The following CD6 variants were observed in gnomAD, a reference collection of about 807,000 sequenced individuals.
CD6 encodes CD6 molecule.
Under a neutral mutation model 75.3 loss-of-function variants are expected in CD6, and 53 were observed. That is an observed-to-expected ratio of 0.70 (90% CI 0.56 to 0.88). CD6 has a LOEUF of 0.88. Among genes scored for constraint, CD6 ranks in the 40% least tolerant of loss-of-function variants. The pLI is 0.00. For synonymous variants in CD6, 359 were observed against 381.5 expected (o/e 0.94, Z 0.69); for missense variants, 770 against 897.1 (o/e 0.86, Z 1.81).
At position 61,020,205 on chromosome 11, in the gene CD6, G is replaced by A. The variant is rs1859607022; in HGVS notation, c.*887G>A. 5.0e-6 allele frequency: 2 copies of A among 398,820 alleles called. No homozygotes were observed. The highest frequency in any genetic ancestry group is 7.1e-5 in the East Asian group (2 of 28,076). 24.7% of individuals were successfully genotyped at this position (398,820 alleles called of 1,614,324 possible). A position where few individuals can be genotyped will look rare whatever the true frequency, so the allele number is the denominator to read the frequency against. On this transcript the variant is annotated 3_prime_UTR_variant, in exon 13 of 13. Transcript: ENST00000313421. Reference sequence around the variant, plus strand: ...GCTGCACTAGGCCCCGAGTCCCCATGTGTCTCCTTGAATTGATGAGGATGC... The same window carrying A: ...GCTGCACTAGGCCCCGAGTCCCCATATGTCTCCTTGAATTGATGAGGATGC...
chr11:61,005,964 A>G, intron 1 of CD6, among the ~76,000 whole-genome samples: 1 of 152,114 alleles, frequency 6.6e-6, no homozygotes, highest in East Asian at 1.9e-4. Flanking sequence ...AAAGAAAGTA[A>G]ATGGAACAAT....
intron 10 of CD6, 50 bp from the exon 11 acceptor site, chr11:61,017,709 C>T: frequency 1.2e-6 from 2 of 1,611,110 alleles, no homozygotes; most frequent in South Asian, 2.2e-5. Flanking sequence ...GACTTAAAGC[C>T]CTCTTGCTGC....
At chr11:60,974,383 A>G (rs115648843) in intron 1 of CD6, among the ~76,000 whole-genome samples, 1,736 of 152,204 alleles carry the variant, frequency 0.011, 33 homozygotes, top group African/African-American at 0.04. Context: ...AGTAGCTGGG[A>G]TGACAGGCAT....
chr11:61,013,303 G>T, intron 6 of CD6, 120 bp from the exon 7 acceptor site: 1 of 1,183,242 alleles, frequency 8.5e-7, no homozygotes, highest in African/African-American at 1.5e-5. Flanking sequence ...TTGGAAAAAG[G>T]AAGCAAGGAG....
At position 61,007,516 on chromosome 11, in the gene CD6, G is replaced by T. The variant is rs1197330415; in HGVS notation, c.119-44G>T. The T allele has an allele frequency of 1.4e-6, 2 of 1,383,758 alleles. No individual in the cohort carries two copies. The highest frequency in any genetic ancestry group is 1.9e-6 in the Non-Finnish European group (2 of 1,058,340). The allele number at this position is 1,383,758 out of a possible 1,614,324, so 85.7% of individuals were successfully genotyped here. ...AGTGGCAGAGCCTGGGCAACCCTCT[G>T]CCCAGGCCCCACCGGTCTCAGCTCT... On this transcript the variant is annotated intron_variant, in intron 2 of 12. Transcript: ENST00000313421. This position sits in a 1 kb window ranked among gnomAD's most constrained non-coding sequence, Gnocchi z 4.2.
intron 8 of CD6, 67 bp downstream of exon 8, chr11:61,014,081 G>T: frequency 8.4e-7 from 1 of 1,197,172 alleles, no homozygotes; most frequent in South Asian, 1.4e-5. Flanking sequence ...TTTCTGGAAG[G>T]TCAGCACCAC....
Position 60,973,314 on chromosome 11 carries a change from G to C in CD6, c.49+1400G>C, listed in dbSNP as rs188378165. ...GGAGAGGTGGGAACCCAGAGACCTG[G>C]GCAGAGCTCAGGGAGGTCAAACAAA... is the stretch of plus-strand genomic sequence containing the variant. On this transcript the variant is annotated intron_variant, in intron 1 of 12. Transcript: ENST00000313421. Among the ~76,000 whole-genome samples, 145 of 152,306 alleles carry C rather than the reference G, an allele frequency of 9.5e-4. 4 individuals carry two copies. In the Middle Eastern group the frequency reaches 0.014, roughly 14 times the overall value.
intron 1 of CD6, among the ~76,000 whole-genome samples, chr11:60,991,451 C>T (rs901590456): frequency 2.6e-5 from 4 of 152,100 alleles, no homozygotes; most frequent in African/African-American, 9.7e-5. Flanking sequence ...CGCGTTTGGC[C>T]TCATCAGCCA....
Position 61,007,719 on chromosome 11 carries a change from C to T in CD6, c.278C>T (p.Ala93Val). Reference sequence around the variant, plus strand: ...GCACTGGGCTGCGGCGGGGCGGAGGCCGCCTCTCAGCTCGCCCCGCCGACC... The same window carrying T: ...GCACTGGGCTGCGGCGGGGCGGAGGTCGCCTCTCAGCTCGCCCCGCCGACC... Reference protein sequence around the residue: ...CRALGCGGAEAASQLAPPTPE... With the variant: ...CRALGCGGAEVASQLAPPTPE... Residue 93 changes from alanine to valine, a missense_variant, in exon 3 of 13, where the codon GCC becomes GTC. Physicochemically the swap from Ala to Val is moderately conservative, Grantham distance 64 (BLOSUM62 0). Transcript: ENST00000313421. The surrounding 1 kb of genome is among the most constrained non-coding windows in gnomAD (Gnocchi z 4.2). The T allele has an allele frequency of 7.2e-7, 1 of 1,393,174 alleles. No homozygotes were observed. Among genetic ancestry groups the T allele is most frequent in the Non-Finnish European group, 9.3e-7 (1 of 1,074,124 alleles). The allele number at this position is 1,393,174 out of a possible 1,614,324, so 86.3% of individuals were successfully genotyped here.
At chr11:60,981,705 G>T (rs553846001) in intron 1 of CD6, among the ~76,000 whole-genome samples, 1 of 152,316 alleles carries the variant, frequency 6.6e-6, no homozygotes, top group African/African-American at 2.4e-5. Context: ...GACAACAGAC[G>T]GAGGCAGAGG....
intron 1 of CD6, among the ~76,000 whole-genome samples, chr11:60,978,748 CCCG>C (rs1435139877): frequency 2.6e-5 from 4 of 152,150 alleles, no homozygotes; most frequent in Admixed American, 2.6e-4. Flanking sequence ...AATCATGGAC[CCCG>C]GAGTCAGGCA....
At chr11:61,013,822 T>C (rs1859272608) in intron 7 of CD6, 97 bp from the exon 8 acceptor site, 1 of 846,678 alleles carries the variant, frequency 1.2e-6, no homozygotes, top group Non-Finnish European at 1.9e-6. Context: ...GTTGGGGGAA[T>C]GAGGAGGGTG....
chr11:61,009,217 G>A (rs1859025235), intron 4 of CD6, among the ~76,000 whole-genome samples: 1 of 152,174 alleles, frequency 6.6e-6, no homozygotes, highest in Non-Finnish European at 1.5e-5. Context: ...TCCAGGTGGG[G>A]CCAGAAGGTT....
At chr11:61,008,430 T>G in intron 3 of CD6, 104 bp from the exon 4 acceptor site, 1 of 1,135,216 alleles carries the variant, frequency 8.8e-7, no homozygotes, top group Non-Finnish European at 1.2e-6. Flanking sequence ...GCCCTCTCAC[T>G]GGGTCCACAA....
chr11:61,004,200 A>G (rs1304099970), intron 1 of CD6, among the ~76,000 whole-genome samples: 1 of 152,164 alleles, frequency 6.6e-6, no homozygotes, highest in African/African-American at 2.4e-5. Flanking sequence ...ACACAGTCGT[A>G]ATCACATATG....
At chr11:61,011,205 TCC>T in intron 6 of CD6, 70 bp downstream of exon 6, 1 of 293,494 alleles carries the variant, frequency 3.4e-6, no homozygotes, top group South Asian at 1.2e-4. Flanking sequence ...GTGTGTGTGT[TCC>T]TGTGCACACC....
At chr11:60,981,218 G>A (rs1857548026) in intron 1 of CD6, among the ~76,000 whole-genome samples, 2 of 152,264 alleles carry the variant, frequency 1.3e-5, no homozygotes, top group South Asian at 2.1e-4. Context: ...GGAGGTATGC[G>A]CTACTATTTA....
At position 60,982,517 on chromosome 11, in the gene CD6, G is replaced by T. The variant is rs565220856; in HGVS notation, c.49+10603G>T. ...GAGGGGTGCCTGGGAGCAGGCGGGC[G>T]CGGGGAGACAGAGCTGAGGAAGCCC... On this transcript the variant is annotated intron_variant, in intron 1 of 12. Coordinates refer to ENST00000313421, the MANE Select transcript of CD6 (RefSeq NM_006725.5). 7.3e-4 allele frequency: 328 copies of T among 450,554 alleles called. 3 individuals are homozygous for T. Among genetic ancestry groups the T allele is most frequent in the South Asian group, 4.5e-3 (289 of 64,194 alleles). The allele number at this position is 450,554 out of a possible 1,614,324, so 27.9% of individuals were successfully genotyped here.
At chr11:61,013,638 G>A (rs11230567) in intron 7 of CD6, 75 bp downstream of exon 7, 61,444 of 1,538,506 alleles carry the variant, frequency 0.04, 2,205 homozygotes, top group African/African-American at 0.18. Flanking sequence ...CAGCAGTGGC[G>A]TGGTCCAGCA....
Sources: allele counts gnomAD v4.1 joint callset (sites outside exome capture counted in the v4.1 genomes callset), GRCh38; gene constraint gnomAD v4.1.1; non-coding constraint Gnocchi (gnomAD v3.1); transcripts MANE v1.5; gene names NCBI Gene and HGNC (gene_info 2026-07-23, HGNC 2026-07-21).